Variants in AP2B1 observed in about 807,000 individuals in gnomAD.
AP2B1 encodes AP-2 complex subunit beta.
AP2B1 carries 23 observed loss-of-function variants against 102.0 expected under a neutral mutation model. The observed-to-expected ratio is 0.23, with a 90% CI of 0.16 to 0.32. AP2B1 has a LOEUF of 0.32. Ranked by LOEUF, AP2B1 falls within the 10% of genes least tolerant of loss-of-function variation. The probability of loss-of-function intolerance (pLI) is 1.00; values close to 1 mark genes in which losing one functional copy is unlikely to be tolerated. For synonymous variants in AP2B1, 381 were observed against 421.2 expected, an observed-to-expected ratio of 0.90 and a Z score of 1.17; for missense variants, 541 against 1,157.4, an observed-to-expected ratio of 0.47 and a Z score of 7.73.
rs755657079 is a variant in AP2B1, at chr17:35,608,393, A to G, written c.525+6A>G. 30 of 1,613,770 alleles carry G rather than the reference A, an allele frequency of 1.9e-5. No homozygotes were observed. Among genetic ancestry groups the G allele is most frequent in the Non-Finnish European group, 2.5e-5 (30 of 1,179,838 alleles). ...TAGCAGATTCAAATCCAATGGTAAT[A>G]AGCTTCTGCTTTTACAAAGAGAGCA... is the stretch of plus-strand genomic sequence containing the variant. On this transcript the variant is annotated splice_donor_region_variant and intron_variant, in intron 5 of 21. Transcript: ENST00000610402.
At chr17:35,655,240 A>G (rs956587009) in intron 13 of AP2B1, among the ~76,000 whole-genome samples, 2 of 152,136 alleles carry the variant, frequency 1.3e-5, no homozygotes, top group Middle Eastern at 3.2e-3. Flanking sequence ...TTAGTGCTCA[A>G]TGAATTTTTA....
intron 5 of AP2B1, among the ~76,000 whole-genome samples, chr17:35,609,995 T>G (rs933432994): frequency 2.6e-5 from 4 of 152,170 alleles, no homozygotes; most frequent in African/African-American, 9.7e-5. Context: ...ATTAGAAATC[T>G]TTCAACCTAG....
intron 18 of AP2B1, among the ~76,000 whole-genome samples, chr17:35,705,018 C>CA (rs1473377286): frequency 6.6e-6 from 1 of 151,844 alleles, no homozygotes; most frequent in East Asian, 1.9e-4. Flanking sequence ...GTGACAGAGC[C>CA]AGACTCTGTC....
chr17:35,662,464 A>T (rs2075377566), intron 14 of AP2B1, among the ~76,000 whole-genome samples: 1 of 151,328 alleles, frequency 6.6e-6, no homozygotes, highest in African/African-American at 2.4e-5. Flanking sequence ...TTGCTTGCAA[A>T]GTAGTTATTT....
chr17:35,711,823 T>C (rs587711983), intron 20 of AP2B1, among the ~76,000 whole-genome samples: 22 of 152,330 alleles, frequency 1.4e-4, no homozygotes, highest in African/African-American at 4.8e-4. Context: ...ATCTTCTGTG[T>C]TCAGATGAAT....
At chr17:35,657,843 C>A in intron 14 of AP2B1, 52 bp downstream of exon 14, 1 of 1,524,444 alleles carries the variant, frequency 6.6e-7, no homozygotes. Flanking sequence ...TCTTGATATG[C>A]TAGAGAGTTT....
chr17:35,700,951 C>T (rs982024090), intron 18 of AP2B1, among the ~76,000 whole-genome samples: 1 of 152,206 alleles, frequency 6.6e-6, no homozygotes, highest in African/African-American at 2.4e-5. Flanking sequence ...GTTATGGTCA[C>T]ATGTTGCACA....
chr17:35,627,889 C>G lies in AP2B1; in HGVS notation c.1155+163C>G, dbSNP rs1244456180. ...CAGCTGTCTCTGGTTCCTCCCTTCCCTACCTAGACTTTCTTCTCAGAGGGA... is the reference window on the plus strand; with the variant it reads ...CAGCTGTCTCTGGTTCCTCCCTTCCGTACCTAGACTTTCTTCTCAGAGGGA... On this transcript the variant is annotated intron_variant, in intron 9 of 21. Coordinates refer to ENST00000610402, the MANE Select transcript of AP2B1 (RefSeq NM_001030006.2). Among the ~76,000 whole-genome samples the G allele has an allele frequency of 3.3e-5, 5 of 152,186 alleles. No homozygotes were observed. In the South Asian group the frequency reaches 1.0e-3, roughly 31 times the overall value.
intron 9 of AP2B1, among the ~76,000 whole-genome samples, chr17:35,630,603 A>ATATATAAATTATATCTT (rs2074435861): frequency 6.6e-6 from 1 of 152,136 alleles, no homozygotes; most frequent in Non-Finnish European, 1.5e-5. Context: ...TCTTATTCTG[A>ATATATAAATTATATCTT]AGTTCAGAGA....
chr17:35,658,635 A>ATTGC (rs1277727208), intron 14 of AP2B1, among the ~76,000 whole-genome samples: 4 of 152,208 alleles, frequency 2.6e-5, no homozygotes, highest in Non-Finnish European at 5.9e-5. Context: ...CCCTTGCAAA[A>ATTGC]GAGATTTTTG....
At chr17:35,608,050 A>G in intron 4 of AP2B1, 92 bp from the exon 5 acceptor site, 1 of 1,459,050 alleles carries the variant, frequency 6.9e-7, no homozygotes, top group South Asian at 1.3e-5. Flanking sequence ...AGCTTAAATT[A>G]ATGAGGTAAT....
intron 21 of AP2B1, 148 bp from the exon 22 acceptor site, chr17:35,723,477 T>A: frequency 6.6e-6 from 4 of 604,280 alleles, no homozygotes; most frequent in Non-Finnish European, 1.2e-5. Flanking sequence ...CCACAGCACT[T>A]ATTAACATAA....
intron 18 of AP2B1, among the ~76,000 whole-genome samples, chr17:35,693,174 C>T (rs1181130178): frequency 1.3e-5 from 2 of 151,998 alleles, no homozygotes; most frequent in Non-Finnish European, 2.9e-5. Flanking sequence ...CCTGCCACCA[C>T]GCTCAGCTAA....
chr17:35,589,338 G>A (rs2073008029), intron 1 of AP2B1, among the ~76,000 whole-genome samples: 1 of 152,150 alleles, frequency 6.6e-6, no homozygotes, highest in Non-Finnish European at 1.5e-5. Flanking sequence ...TTTTCACTAT[G>A]AGCACTGAGC....
intron 20 of AP2B1, among the ~76,000 whole-genome samples, chr17:35,714,667 G>A (rs782738773): frequency 2.6e-5 from 4 of 152,188 alleles, no homozygotes; most frequent in African/African-American, 4.8e-5. Flanking sequence ...CCATGATCAC[G>A]CCACTGCACT....
chr17:35,714,757 GAACGAAGGGT>G (rs1286482378), intron 20 of AP2B1, among the ~76,000 whole-genome samples: 1 of 152,192 alleles, frequency 6.6e-6, no homozygotes, highest in Non-Finnish European at 1.5e-5. Flanking sequence ...ATCATATCTT[GAACGAAGGGT>G]AACTATATTT....
chr17:35,705,811 G>A (rs1037464219), intron 18 of AP2B1, among the ~76,000 whole-genome samples: 1 of 151,862 alleles, frequency 6.6e-6, no homozygotes, highest in Non-Finnish European at 1.5e-5. Flanking sequence ...ACGCCTGCTG[G>A]GATTACAGGC....
intron 12 of AP2B1, among the ~76,000 whole-genome samples, chr17:35,649,134 A>G (rs2075019162): frequency 6.6e-6 from 1 of 152,138 alleles, no homozygotes; most frequent in African/African-American, 2.4e-5. Flanking sequence ...TTACCTCTTT[A>G]TTTCCAGGGC....
intron 5 of AP2B1, among the ~76,000 whole-genome samples, chr17:35,622,121 A>G (rs2074196771): frequency 6.6e-6 from 1 of 152,214 alleles, no homozygotes; most frequent in African/African-American, 2.4e-5. Flanking sequence ...ATGCTTGATG[A>G]TAGAGTTAGC....
Sources: allele counts gnomAD v4.1 joint callset (sites outside exome capture counted in the v4.1 genomes callset), GRCh38; gene constraint gnomAD v4.1.1; transcripts MANE v1.5; gene names NCBI Gene and HGNC (gene_info 2026-07-23, HGNC 2026-07-21).